The following PTPRD variants were observed in gnomAD, a reference collection of about 807,000 sequenced individuals.
PTPRD encodes protein tyrosine phosphatase receptor type D.
In PTPRD, 34 loss-of-function variants were observed where a neutral mutation model predicts 214.5. That is an observed-to-expected ratio of 0.16 (90% CI 0.12 to 0.21). The LOEUF (loss-of-function observed/expected upper bound fraction) is 0.21. PTPRD is among the 10% of genes least tolerant of loss of function. PTPRD has a pLI of 1.00. For missense variants in PTPRD, 2,545 were observed against 2,398.7 expected (o/e 1.06, Z -1.27); for synonymous variants, 1,128 against 845.7 (o/e 1.33, Z -5.79).
intron 14 of PTPRD, among the ~76,000 whole-genome samples, chr9:8,544,312 C>A (rs900438941): frequency 1.3e-5 from 2 of 151,340 alleles, no homozygotes; most frequent in East Asian, 2.0e-4. Context: ...GAACTCCCAA[C>A]CCTCAGTAAT....
intron 3 of PTPRD, among the ~76,000 whole-genome samples, chr9:10,112,137 G>C (rs2098696557): frequency 6.6e-6 from 1 of 152,128 alleles, no homozygotes; most frequent in African/African-American, 2.4e-5. Flanking sequence ...GTGCTTTTTT[G>C]TGTTTCTGGA....
At chr9:9,310,918 C>CAGAT (rs1214307704) in intron 9 of PTPRD, among the ~76,000 whole-genome samples, 25 of 130,734 alleles carry the variant, frequency 1.9e-4, no homozygotes, top group Middle Eastern at 3.7e-3. Flanking sequence ...AGCTGTGTCT[C>CAGAT]AGATAAATAA....
At chr9:9,056,774 TTCAC>T (rs2099697018) in intron 10 of PTPRD, among the ~76,000 whole-genome samples, 1 of 152,256 alleles carries the variant, frequency 6.6e-6, no homozygotes, top group Non-Finnish European at 1.5e-5. Flanking sequence ...CATTTCTTTC[TTCAC>T]TATTATTTGG....
chr9:9,627,971 A>T (rs1054053476), intron 7 of PTPRD, among the ~76,000 whole-genome samples: 1 of 151,974 alleles, frequency 6.6e-6, no homozygotes, highest in Non-Finnish European at 1.5e-5. Flanking sequence ...TGGCACATCA[A>T]TGTATTCAAG....
rs149569952 is a variant in PTPRD at position 9,111,308 on chromosome 9, T to C, written c.-143+71996A>G. On this transcript the variant is annotated intron_variant, in intron 10 of 45. Transcript: ENST00000381196. ...GCTCTTAGTCTAATCCTCAGTACAT[T>C]CTGATTTTTTAACCTAGCTGACTGT... is the stretch of plus-strand genomic sequence containing the variant. Among the ~76,000 whole-genome samples the C allele has an allele frequency of 1.1e-4, 16 of 151,226 alleles. No individual in the cohort carries two copies. The East Asian group carries it at 2.9e-3, about 28-fold the overall frequency.
chr9:8,512,065 T>C (rs2097693811), intron 21 of PTPRD, among the ~76,000 whole-genome samples: 1 of 152,126 alleles, frequency 6.6e-6, no homozygotes, highest in African/African-American at 2.4e-5. Context: ...CATCTTGCTA[T>C]AGTATAAATA....
chr9:10,187,900 G>T lies in PTPRD; in HGVS notation c.-545+153063C>A, dbSNP rs886096557. On this transcript the variant is annotated intron_variant, in intron 3 of 45. Coordinates refer to ENST00000381196, the MANE Select transcript of PTPRD (RefSeq NM_002839.4). The stretch of plus-strand genomic sequence containing the variant: ...TTATCTTTCCTAAATGTAGTTTGGA[G>T]TTTGGTCACTTTATTCCACTTGTCA... Among the ~76,000 whole-genome samples, 141 of 152,300 alleles carry T rather than the reference G, an allele frequency of 9.3e-4. 1 individual carries two copies. Among genetic ancestry groups the T allele is most frequent in the Non-Finnish European group, 7.2e-4 (49 of 68,016 alleles).
chr9:10,455,065 A>T (rs752332696), intron 2 of PTPRD, among the ~76,000 whole-genome samples: 8 of 151,720 alleles, frequency 5.3e-5, no homozygotes, highest in Non-Finnish European at 1.0e-4. Flanking sequence ...TCTCTCAACT[A>T]ACCTGTTATC....
intron 7 of PTPRD, among the ~76,000 whole-genome samples, chr9:9,714,694 G>A (rs2097788611): frequency 6.6e-6 from 1 of 152,160 alleles, no homozygotes; most frequent in South Asian, 2.1e-4. Context: ...AAGAGTGGTG[G>A]AGCTGATCAT....
chr9:9,484,447 T>C (rs2095542997), intron 8 of PTPRD, among the ~76,000 whole-genome samples: 1 of 152,148 alleles, frequency 6.6e-6, no homozygotes, highest in Admixed American at 6.6e-5. Context: ...TATGAAAATG[T>C]ACTACTATAT....
intron 3 of PTPRD, among the ~76,000 whole-genome samples, chr9:10,305,032 G>T (rs1394065349): frequency 6.6e-6 from 1 of 151,916 alleles, no homozygotes; most frequent in Admixed American, 6.6e-5. Context: ...CATCAAAACA[G>T]CATGGTACTA....
At chr9:8,502,848 G>GTATATATA (rs556444172) in intron 23 of PTPRD, among the ~76,000 whole-genome samples, 11,028 of 146,996 alleles carry the variant, frequency 0.075, 527 homozygotes, top group East Asian at 0.14. Flanking sequence ...ATGTGTGTGT[G>GTATATATA]TATATATATA....
At chr9:9,277,149 A>C (rs1945961510) in intron 9 of PTPRD, among the ~76,000 whole-genome samples, 1 of 151,374 alleles carries the variant, frequency 6.6e-6, no homozygotes, top group African/African-American at 2.4e-5. Flanking sequence ...TTTTATTTGT[A>C]CCTATAACAA....
At chr9:8,926,707 A>G (rs2098897451) in intron 11 of PTPRD, among the ~76,000 whole-genome samples, 1 of 152,202 alleles carries the variant, frequency 6.6e-6, no homozygotes, top group Non-Finnish European at 1.5e-5. Flanking sequence ...CCTTGCTCAC[A>G]TTAAATATTT....
chr9:9,211,006 T>C (rs2099948185), intron 9 of PTPRD, among the ~76,000 whole-genome samples: 1 of 152,256 alleles, frequency 6.6e-6, no homozygotes, highest in Non-Finnish European at 1.5e-5. Context: ...AAGATAAACA[T>C]AGTTCCTTAA....
rs955937898 is a variant in PTPRD, at chr9:9,395,620, T to C, written c.-203+1829A>G. ...CCAGTGGACCAGTGGCAGATTTCCT[T>C]GCACCAATTTCCTCTTGACCCCATT... On this transcript the variant is annotated intron_variant, in intron 9 of 45. Coordinates refer to ENST00000381196, the MANE Select transcript of PTPRD (RefSeq NM_002839.4). Among the ~76,000 whole-genome samples, 72 of 152,210 alleles carry C rather than the reference T, an allele frequency of 4.7e-4. 1 individual carries two copies. Among genetic ancestry groups the C allele is most frequent in the African/African-American group, 1.6e-3 (66 of 41,558 alleles).
At chr9:9,835,749 C>T (rs62533723) in intron 5 of PTPRD, among the ~76,000 whole-genome samples, 28,218 of 152,000 alleles carry the variant, frequency 0.19, 2,759 homozygotes, top group Non-Finnish European at 0.22. Flanking sequence ...GCACAGGACT[C>T]CATCATAACA....
intron 12 of PTPRD, among the ~76,000 whole-genome samples, chr9:8,721,465 T>A (rs2098497605): frequency 6.6e-6 from 1 of 150,954 alleles, no homozygotes; most frequent in African/African-American, 2.4e-5. Context: ...AGTGTTTAAA[T>A]CATTATTCAA....
At chr9:9,370,466 G>T (rs370491765) in intron 9 of PTPRD, among the ~76,000 whole-genome samples, 1 of 150,248 alleles carries the variant, frequency 6.7e-6, no homozygotes, top group East Asian at 2.0e-4. Flanking sequence ...GATTTTGTAT[G>T]CTGAGACTTT....
Sources: gnomAD v4.1 joint callset for allele counts (sites outside exome capture counted in the v4.1 genomes callset) on GRCh38, gnomAD v4.1.1 for gene constraint, MANE v1.5 for transcripts, NCBI Gene and HGNC (gene_info 2026-07-23, HGNC 2026-07-21) for gene names.